Variants in TUBGCP4 observed in about 807,000 individuals in gnomAD.
TUBGCP4 encodes gamma-tubulin complex component 4.
TUBGCP4 carries 54 observed loss-of-function variants against 91.6 expected under a neutral mutation model. That is an observed-to-expected ratio of 0.59 (90% CI 0.47 to 0.74). The LOEUF is 0.74. Among genes scored for constraint, TUBGCP4 ranks in the 30% least tolerant of loss-of-function variants. The probability of loss-of-function intolerance (pLI) is 0.00; values close to 1 mark genes in which losing one functional copy is unlikely to be tolerated. For missense variants in TUBGCP4, 593 were observed against 800.9 expected (o/e 0.74, Z 3.13); for synonymous variants, 297 against 302.8 (o/e 0.98, Z 0.20).
chr15:43,400,158 A>T lies in TUBGCP4; in HGVS notation c.1533A>T (p.Ala511=), dbSNP rs1356134028. Residue 511 remains alanine, a synonymous_variant, in exon 14 of 18, where the codon GCA becomes GCT. Coordinates refer to ENST00000564079, the MANE Select transcript of TUBGCP4 (RefSeq NM_014444.5). ...RKHLKSNQTD[A]IKWRLRNHMA... Reference sequence around the variant, plus strand: ...ACCTCAAGTCGAACCAGACTGATGCAATCAAGTGGCGCCTAAGAAATCACA... The same window carrying T: ...ACCTCAAGTCGAACCAGACTGATGCTATCAAGTGGCGCCTAAGAAATCACA... 6.2e-7 allele frequency: 1 copy of T among 1,614,236 alleles called. No individual in the cohort carries two copies. The highest frequency in any genetic ancestry group is 1.1e-5 in the South Asian group (1 of 91,080).
rs1307204893 is a variant in TUBGCP4 at position 43,407,192 on chromosome 15, A to AAAAC, written c.*1980_*1983dup. 5.2e-6 allele frequency: 3 copies of AAAAC among 579,066 alleles called. No homozygotes were observed. Among genetic ancestry groups the AAAAC allele is most frequent in the African/African-American group, 1.9e-5 (1 of 53,570 alleles). 35.9% of individuals were successfully genotyped at this position (579,066 alleles called of 1,614,324 possible). On this transcript the variant is annotated 3_prime_UTR_variant, in exon 18 of 18. Transcript: ENST00000564079. ...CATTTGTTCTGAGATTAAGCTCAAAAAAACAGATGAAGAAATCCCAGTTAC... is the reference window on the plus strand; with the variant it reads ...CATTTGTTCTGAGATTAAGCTCAAAAAAACAAACAGATGAAGAAATCCCAGTTAC...
chr15:43,407,278 C>T lies in TUBGCP4; in HGVS notation c.*2064C>T, dbSNP rs1200409942. ...AAAGTTCAGCAAATAAAACTATATACAAGATCCATGCAAGGAATCCAGTTA... is the reference window on the plus strand; with the variant it reads ...AAAGTTCAGCAAATAAAACTATATATAAGATCCATGCAAGGAATCCAGTTA... On this transcript the variant is annotated 3_prime_UTR_variant, in exon 18 of 18. Coordinates refer to ENST00000564079, the MANE Select transcript of TUBGCP4 (RefSeq NM_014444.5). 4.2e-6 allele frequency: 4 copies of T among 941,500 alleles called. No homozygotes were observed. In the Admixed American group the frequency reaches 6.8e-5, roughly 16 times the overall value. 58.3% of individuals were successfully genotyped at this position (941,500 alleles called of 1,614,324 possible).
At chr15:43,389,406 T>G (rs912988575) in intron 9 of TUBGCP4, among the ~76,000 whole-genome samples, 3 of 152,124 alleles carry the variant, frequency 2.0e-5, no homozygotes, top group African/African-American at 7.2e-5. Context: ...ATTTTTATTT[T>G]TTGAGATGGA....
At chr15:43,374,420 G>T (rs988478801) in intron 1 of TUBGCP4, among the ~76,000 whole-genome samples, 1 of 151,994 alleles carries the variant, frequency 6.6e-6, no homozygotes, top group Non-Finnish European at 1.5e-5. Context: ...GCTAGCCTGC[G>T]CAACAGAGCA....
chr15:43,408,131 T>C lies in TUBGCP4; in HGVS notation c.*2917T>C. 6.3e-7 allele frequency: 1 copy of C among 1,590,638 alleles called. No homozygotes were observed. The highest frequency in any genetic ancestry group is 8.6e-7 in the Non-Finnish European group (1 of 1,166,812). The stretch of plus-strand genomic sequence containing the variant: ...AAGGACCTTAGCATGACAAGTAATA[T>C]CCAACAAACTGCCTTTCTGCAAAGG... On this transcript the variant is annotated 3_prime_UTR_variant, in exon 18 of 18. Transcript: ENST00000564079.
intron 9 of TUBGCP4, among the ~76,000 whole-genome samples, chr15:43,393,358 C>T (rs1257680232): frequency 2.0e-5 from 3 of 151,720 alleles, no homozygotes; most frequent in Non-Finnish European, 4.4e-5. Context: ...TACAGGCACC[C>T]GCCACCACGC....
chr15:43,400,078 C>T lies in TUBGCP4; in HGVS notation c.1453C>T (p.Arg485Cys), dbSNP rs1197826791. ...NVVFKYLLSV[R>C]RVQAELQHCW... ...TGTTTTTAAGTACTTACTGAGTGTG[C>T]GCCGGGTGCAAGCTGAGCTGCAGCA... Residue 485 changes from arginine to cysteine, a missense_variant, in exon 14 of 18, where the codon CGC (arginine) becomes TGC (cysteine). Physicochemically the swap from Arg to Cys is radical, Grantham distance 180. Coordinates refer to ENST00000564079, the MANE Select transcript of TUBGCP4 (RefSeq NM_014444.5). The T allele has an allele frequency of 3.1e-6, 5 of 1,613,716 alleles. No homozygotes were observed. The highest frequency in any genetic ancestry group is 3.4e-6 in the Non-Finnish European group (4 of 1,179,716).
chr15:43,383,393 T>A lies in TUBGCP4; in HGVS notation c.612T>A (p.Phe204Leu). 1.2e-6 allele frequency: 2 copies of A among 1,614,198 alleles called. No homozygotes were observed. Among genetic ancestry groups the A allele is most frequent in the Non-Finnish European group, 1.7e-6 (2 of 1,180,038 alleles). Reference protein sequence around the residue: ...GLLLDQHEEFFIKQGPSSGNV... With the variant: ...GLLLDQHEEFLIKQGPSSGNV... ...TCTTGGACCAGCATGAAGAATTCTT[T>A]ATCAAACAGGGGCCATCTTCTGGTA... Residue 204 changes from phenylalanine (F) to leucine (L), a missense_variant, in exon 7 of 18, where the codon TTT becomes TTA. Phe to Leu is a conservative substitution (Grantham distance 22). Transcript: ENST00000564079.
chr15:43,389,286 A>G (rs1308996013), intron 9 of TUBGCP4, among the ~76,000 whole-genome samples: 2 of 152,216 alleles, frequency 1.3e-5, no homozygotes, highest in South Asian at 4.1e-4. Flanking sequence ...GGTTAATCTT[A>G]TAACTTGCAA....
At chr15:43,401,877 G>A in intron 15 of TUBGCP4, 27 bp downstream of exon 15, 1 of 1,613,058 alleles carries the variant, frequency 6.2e-7, no homozygotes. Context: ...GGTTTCCTCA[G>A]ACTGCTTCTA....
At chr15:43,390,406 A>T (rs531405392) in intron 9 of TUBGCP4, among the ~76,000 whole-genome samples, 11 of 152,168 alleles carry the variant, frequency 7.2e-5, no homozygotes, top group East Asian at 1.9e-4. Flanking sequence ...GATTTAATTT[A>T]AAAAAATCTA....
chr15:43,372,089 C>T (rs1171746255), intron 1 of TUBGCP4, among the ~76,000 whole-genome samples: 1 of 152,168 alleles, frequency 6.6e-6, no homozygotes, highest in African/African-American at 2.4e-5. Flanking sequence ...GAAGCCAGGT[C>T]TGTCTGGCTT....
At chr15:43,403,116 A>T (rs942999258) in intron 15 of TUBGCP4, 1 of 152,244 alleles carries the variant, frequency 6.6e-6, no homozygotes, top group African/African-American at 2.4e-5. Flanking sequence ...CTGGGGATAC[A>T]AAGAGGTATA....
rs1248899915 is a variant in TUBGCP4, at chr15:43,385,763, TCTCGATGTGTA to T, written c.724-24_724-14del. On this transcript the variant is annotated splice_polypyrimidine_tract_variant and intron_variant, in intron 7 of 17. Coordinates refer to ENST00000564079, the MANE Select transcript of TUBGCP4 (RefSeq NM_014444.5). Reference sequence around the variant, plus strand: ...TTTCCTTTTCTTGCTTCACACTGCATCTCGATGTGTACTCTTTCCTTGACTAGCGCCTGATT... The same window carrying T: ...TTTCCTTTTCTTGCTTCACACTGCATCTCTTTCCTTGACTAGCGCCTGATT... The T allele has an allele frequency of 1.9e-6, 3 of 1,612,532 alleles. No homozygotes were observed. Among genetic ancestry groups the T allele is most frequent in the Non-Finnish European group, 2.5e-6 (3 of 1,178,944 alleles).
rs1450792929 is a variant in TUBGCP4 at position 43,404,571 on chromosome 15, TA to T, written c.1988+21del. On this transcript the variant is annotated intron_variant, in intron 17 of 17. Coordinates refer to ENST00000564079, the MANE Select transcript of TUBGCP4 (RefSeq NM_014444.5). ...TGGGCAGGTAGGAGCAACCCTTGGG[TA>T]ACTCAGTAGACTTTTTAAGGTGGCT... 1 of 1,612,912 alleles carries T rather than the reference TA, an allele frequency of 6.2e-7. No individual in the cohort carries two copies. The highest frequency in any genetic ancestry group is 1.1e-5 in the South Asian group (1 of 90,970).
chr15:43,386,113 G>C, intron 8 of TUBGCP4, 93 bp from the exon 9 acceptor site: 1 of 1,535,636 alleles, frequency 6.5e-7, no homozygotes, highest in Non-Finnish European at 8.8e-7. Context: ...AGCAGGTGAA[G>C]TTGCTGCCCC....
chr15:43,393,621 G>A lies in TUBGCP4; in HGVS notation c.1015-1486G>A, dbSNP rs151156556. On this transcript the variant is annotated intron_variant, in intron 9 of 17. Transcript: ENST00000564079. The stretch of plus-strand genomic sequence containing the variant: ...GTCCCCCCACCCTACAACAGTCCCC[G>A]GTGTGTGATGTTCCCCTTCCTGTGT... Among the ~76,000 whole-genome samples, 1,100 of 151,556 alleles carry A rather than the reference G, an allele frequency of 7.3e-3. 10 individuals carry two copies. The highest frequency in any genetic ancestry group is 0.023 in the African/African-American group (944 of 41,278).
At chr15:43,392,445 A>T (rs1176350845) in intron 9 of TUBGCP4, among the ~76,000 whole-genome samples, 1 of 152,000 alleles carries the variant, frequency 6.6e-6, no homozygotes, top group Non-Finnish European at 1.5e-5. Flanking sequence ...TTTGGAATCT[A>T]TTGCAGGTTT....
Position 43,403,696 on chromosome 15 carries a change from T to C in TUBGCP4, c.1745T>C (p.Leu582Pro). Reference protein sequence around the residue: ...FILLKPVFHCLNEILDLCHSF... With the variant: ...FILLKPVFHCPNEILDLCHSF... ...TTTCCCGGGTAGGTGTTTCACTGCC[T>C]GAATGAAATCCTAGATCTCTGTCAC... is the stretch of plus-strand genomic sequence containing the variant. Residue 582 changes from leucine to proline, a missense_variant, in exon 16 of 18, where the codon CTG becomes CCG. Transcript: ENST00000564079. 1 of 1,612,470 alleles carries C rather than the reference T, an allele frequency of 6.2e-7. No homozygotes were observed. Among genetic ancestry groups the C allele is most frequent in the South Asian group, 1.1e-5 (1 of 90,944 alleles).
Sources: allele counts gnomAD v4.1 joint callset (sites outside exome capture counted in the v4.1 genomes callset), GRCh38; gene constraint gnomAD v4.1.1; transcripts MANE v1.5; gene names NCBI Gene and HGNC (gene_info 2026-07-23, HGNC 2026-07-21).